Variants in NLRP5 observed in about 807,000 individuals in gnomAD.
The protein encoded by NLRP5 is NACHT, LRR and PYD domains-containing protein 5.
Under a neutral mutation model 113.1 loss-of-function variants are expected in NLRP5, and 93 were observed. The observed-to-expected ratio is 0.82, with a 90% confidence interval of 0.70 to 0.98. The LOEUF (loss-of-function observed/expected upper bound fraction) is 0.98. NLRP5 is among the 50% of genes least tolerant of loss of function. The pLI, the probability that NLRP5 is intolerant of heterozygous loss-of-function variation, is 0.00. For missense variants in NLRP5, 1,808 were observed against 1,514.3 expected (o/e 1.19, Z -3.22); for synonymous variants, 751 against 600.7 (o/e 1.25, Z -3.66).
chr19:56,060,645 A>G (rs911827125), intron 14 of NLRP5, among the ~76,000 whole-genome samples: 1 of 152,182 alleles, frequency 6.6e-6, no homozygotes, highest in Admixed American at 6.5e-5. Flanking sequence ...TCATGCCTGC[A>G]TCTTAGGACT....
the NLRP5 span, among the ~76,000 whole-genome samples, chr19:55,987,123 C>T: frequency 9.2e-5 from 14 of 152,330 alleles, no homozygotes; most frequent in African/African-American, 3.4e-4. Context: ...AATCCCAGCA[C>T]TTTGGGAGGC....
chr19:56,031,458 A>G (rs927803375), intron 7 of NLRP5, among the ~76,000 whole-genome samples: 1 of 151,838 alleles, frequency 6.6e-6, no homozygotes, highest in Non-Finnish European at 1.5e-5. Flanking sequence ...GTGAAACCCC[A>G]TCTCTACTAA....
intron 6 of NLRP5, among the ~76,000 whole-genome samples, chr19:56,023,686 AC>A (rs1375678539): frequency 6.6e-6 from 1 of 152,208 alleles, no homozygotes; most frequent in Non-Finnish European, 1.5e-5. Context: ...GACTTAAACT[AC>A]ATGGGAGGAT....
Position 56,041,152 on chromosome 19 carries a change from C to T in NLRP5, c.2957+60C>T, listed in dbSNP as rs1321953804. On this transcript the variant is annotated intron_variant, in intron 11 of 14. Coordinates refer to ENST00000390649, the MANE Select transcript of NLRP5 (RefSeq NM_153447.4). ...AGCTTTCTAACATAGCATGGTGTAG[C>T]TCTCAAAGCAGAAGGCAGTGGGGAG... 1.5e-5 allele frequency: 23 copies of T among 1,550,926 alleles called. 1 individual carries two copies. The highest frequency in any genetic ancestry group is 1.7e-4 in the Middle Eastern group (1 of 5,862).
chr19:56,058,201 G>C, intron 13 of NLRP5, 39 bp from the exon 14 acceptor site: 2 of 1,540,222 alleles, frequency 1.3e-6, no homozygotes, highest in South Asian at 1.2e-5. Flanking sequence ...GTCCATCATC[G>C]ATCTTTGGGG....
chr19:55,989,443 G>A, the NLRP5 span, among the ~76,000 whole-genome samples: 2 of 152,064 alleles, frequency 1.3e-5, no homozygotes, highest in African/African-American at 4.8e-5. Context: ...AGTAGAGACG[G>A]GGTTTCCCCA....
chr19:56,048,075 G>A (rs1173175012), intron 11 of NLRP5, among the ~76,000 whole-genome samples: 5 of 152,280 alleles, frequency 3.3e-5, no homozygotes, highest in African/African-American at 9.6e-5. Flanking sequence ...TGCATGAAAT[G>A]CCTTTTTGTA....
chr19:56,059,378 C>T (rs1390135386), intron 14 of NLRP5, among the ~76,000 whole-genome samples: 1 of 152,132 alleles, frequency 6.6e-6, no homozygotes, highest in East Asian at 1.9e-4. Context: ...AAGCATTTGT[C>T]ATTTAGGAGC....
upstream of NLRP5, among the ~76,000 whole-genome samples, chr19:55,996,800 G>T (rs1344663262): frequency 1.3e-5 from 2 of 152,156 alleles, no homozygotes; most frequent in Admixed American, 6.6e-5. Flanking sequence ...AAACATACGT[G>T]TGCATGTGTC....
At chr19:55,986,939 G>A in the NLRP5 span, among the ~76,000 whole-genome samples, 12 of 152,304 alleles carry the variant, frequency 7.9e-5, no homozygotes, top group East Asian at 2.3e-3. Flanking sequence ...GCTGCTCAAA[G>A]CCCAGGACCA....
In NLRP5 at chr19:56,058,386, C is replaced by T. The variant is rs762113309; in HGVS notation, c.3446C>T (p.Pro1149Leu). 2 of 1,613,568 alleles carry T rather than the reference C, an allele frequency of 1.2e-6. No homozygotes were observed. Among genetic ancestry groups the T allele is most frequent in the Admixed American group, 1.7e-5 (1 of 59,912 alleles). ...AAGCTGTGTTCGGCCTTTGCCTGTC[C>T]CACGTCTAACTTACAGATAATTGGG... is the stretch of plus-strand genomic sequence containing the variant. The change falls in exon 14 of 15, where the codon CCC becomes CTC. Residue 1149 changes from proline to leucine, a missense_variant. By Grantham distance (98) the Pro-to-Leu change is moderately conservative. Transcript: ENST00000390649.
intron 2 of NLRP5, among the ~76,000 whole-genome samples, chr19:56,005,093 C>CAAA (rs1163132309): frequency 0.02 from 1,541 of 76,366 alleles, 74 homozygotes; most frequent in African/African-American, 0.077. Flanking sequence ...GACTGTGTCT[C>CAAA]AAAAAAAAAA....
In NLRP5 at chr19:56,027,931, C is replaced by T; in HGVS notation, c.1698C>T (p.His566=). Residue 566 remains histidine (H), a synonymous_variant, in exon 7 of 15, where the codon CAC becomes CAT. Transcript: ENST00000390649. Reference sequence around the variant, plus strand: ...AGTCTGAGCTCCGTGCTCTGTTTCACATGAACATCCTTCTCCCAGACAGCC... The same window carrying T: ...AGTCTGAGCTCCGTGCTCTGTTTCATATGAACATCCTTCTCCCAGACAGCC... 6.2e-7 allele frequency: 1 copy of T among 1,613,892 alleles called. No homozygotes were observed. Among genetic ancestry groups the T allele is most frequent in the Non-Finnish European group, 8.5e-7 (1 of 1,179,840 alleles).
the NLRP5 span, among the ~76,000 whole-genome samples, chr19:55,988,910 G>T: frequency 6.6e-6 from 1 of 152,062 alleles, no homozygotes; most frequent in Admixed American, 6.6e-5. Context: ...AACTCAGAAG[G>T]GGGAGAAAAA....
chr19:56,035,796 C>T (rs191222239), intron 9 of NLRP5, among the ~76,000 whole-genome samples: 67 of 152,256 alleles, frequency 4.4e-4, no homozygotes, highest in African/African-American at 1.6e-3. Flanking sequence ...ATGGGATGAT[C>T]AGCTAAGTCT....
chr19:56,053,625 C>T lies in NLRP5; in HGVS notation c.3129-13C>T. The T allele has an allele frequency of 6.2e-7, 1 of 1,609,660 alleles. No individual in the cohort carries two copies. The highest frequency in any genetic ancestry group is 8.5e-7 in the Non-Finnish European group (1 of 1,177,352). On this transcript the variant is annotated splice_polypyrimidine_tract_variant and intron_variant, in intron 12 of 14. Transcript: ENST00000390649. ...GAGAGAGGCAGACTCTCTCTATTCCCCGCCTCTTGCAGGTTGGTAAAGTGT... is the reference window on the plus strand; with the variant it reads ...GAGAGAGGCAGACTCTCTCTATTCCTCGCCTCTTGCAGGTTGGTAAAGTGT...
At chr19:55,987,899 C>T in the NLRP5 span, 1 of 1,613,062 alleles carries the variant, frequency 6.2e-7, no homozygotes, top group Middle Eastern at 1.7e-4. Context: ...CTGCCTATCC[C>T]AGATTAATCC....
chr19:56,056,255 C>A (rs1984146318), intron 13 of NLRP5, among the ~76,000 whole-genome samples: 1 of 152,144 alleles, frequency 6.6e-6, no homozygotes. Flanking sequence ...ACACTTCCTC[C>A]TGTAACAATA....
At chr19:55,998,370 G>C (rs1315058320), upstream of NLRP5, among the ~76,000 whole-genome samples, 1 of 151,920 alleles carries the variant, frequency 6.6e-6, no homozygotes, top group Non-Finnish European at 1.5e-5. Flanking sequence ...AAATATATAT[G>C]AGGCCAGATG....
Sources: gnomAD v4.1 joint callset for allele counts (sites outside exome capture counted in the v4.1 genomes callset) on GRCh38, gnomAD v4.1.1 for gene constraint, MANE v1.5 for transcripts, NCBI Gene and HGNC (gene_info 2026-07-23, HGNC 2026-07-21) for gene names.